Variants in SORCS3 observed in about 807,000 individuals in gnomAD.
SORCS3 encodes the protein VPS10 domain-containing receptor SorCS3.
SORCS3 carries 57 observed loss-of-function variants against 146.3 expected under a neutral mutation model. The ratio of observed to expected loss-of-function variants is 0.39; its 90% confidence interval spans 0.31 to 0.49. SORCS3 has a LOEUF of 0.49. SORCS3 is among the 20% of genes least tolerant of loss of function. The pLI is 0.92. For synonymous variants in SORCS3, 653 were observed against 618.5 expected (o/e 1.06, Z -0.83); for missense variants, 1,341 against 1,575.5 (o/e 0.85, Z 2.52).
chr10:104,758,114 A>G (rs1294055529), intron 1 of SORCS3, among the ~76,000 whole-genome samples: 1 of 152,192 alleles, frequency 6.6e-6, no homozygotes, highest in Non-Finnish European at 1.5e-5. Context: ...CCAGCAATGA[A>G]TAGGACTTGG....
At chr10:104,664,283 G>A (rs745868654) in intron 1 of SORCS3, among the ~76,000 whole-genome samples, 1 of 152,184 alleles carries the variant, frequency 6.6e-6, no homozygotes, top group Non-Finnish European at 1.5e-5. Flanking sequence ...CAGGAGCGGG[G>A]CTTAAGGTGA....
At chr10:104,814,006 C>T (rs1266364425) in intron 1 of SORCS3, among the ~76,000 whole-genome samples, 3 of 145,734 alleles carry the variant, frequency 2.1e-5, no homozygotes, top group African/African-American at 7.6e-5. Flanking sequence ...TCCCCCTATT[C>T]CAGAGTCACT....
At chr10:105,089,347 AAC>A (rs2055685387) in intron 5 of SORCS3, among the ~76,000 whole-genome samples, 1 of 152,188 alleles carries the variant, frequency 6.6e-6, no homozygotes, top group Non-Finnish European at 1.5e-5. Flanking sequence ...CATCGGGTAG[AAC>A]AGGCAGGTAA....
chr10:104,994,062 G>A (rs1220578427), intron 4 of SORCS3, among the ~76,000 whole-genome samples: 1 of 152,170 alleles, frequency 6.6e-6, no homozygotes, highest in Admixed American at 6.5e-5. Context: ...GAGAGTATCA[G>A]TACCCTACTG....
At chr10:105,176,794 G>A (rs1016778300) in intron 13 of SORCS3, among the ~76,000 whole-genome samples, 6 of 152,176 alleles carry the variant, frequency 3.9e-5, no homozygotes, top group South Asian at 2.1e-4. Flanking sequence ...GGCGGAGGTT[G>A]CAGTGAGCCG....
At chr10:104,642,019 T>A in intron 1 of SORCS3, 65 bp downstream of exon 1, 1 of 96,392 alleles carries the variant, frequency 1.0e-5, no homozygotes, top group Non-Finnish European at 2.0e-5. Flanking sequence ...GGGGGGTGGG[T>A]GGGAGCGAGG....
intron 1 of SORCS3, among the ~76,000 whole-genome samples, chr10:104,740,690 T>A (rs891916411): frequency 1.3e-5 from 2 of 152,202 alleles, no homozygotes; most frequent in African/African-American, 2.4e-5. Context: ...AGAGGTTTTA[T>A]AAAAGACACT....
chr10:105,088,226 C>T (rs1408745353), intron 5 of SORCS3, among the ~76,000 whole-genome samples: 2 of 152,144 alleles, frequency 1.3e-5, no homozygotes, highest in Admixed American at 1.3e-4. Context: ...TTTTTCTGTG[C>T]CTCAATTTCT....
At chr10:105,219,781 C>T (rs2056688120) in intron 19 of SORCS3, among the ~76,000 whole-genome samples, 1 of 152,160 alleles carries the variant, frequency 6.6e-6, no homozygotes, top group South Asian at 2.1e-4. Flanking sequence ...AAGGACTTGC[C>T]TCACCCACAT....
intron 3 of SORCS3, among the ~76,000 whole-genome samples, chr10:104,921,503 CTG>C (rs752411926): frequency 0.25 from 35,756 of 142,444 alleles, 6,852 homozygotes; most frequent in African/African-American, 0.56. Context: ...CTCTCTCTCT[CTG>C]TGTGTGTGTG....
chr10:104,891,146 G>T (rs559483182), intron 2 of SORCS3, among the ~76,000 whole-genome samples: 133 of 152,308 alleles, frequency 8.7e-4, no homozygotes, highest in Non-Finnish European at 1.7e-3. Flanking sequence ...CTACTGAGGC[G>T]GGAAGTTTTC....
chr10:105,242,468 T>TTATGTATTTA (rs2056832972), intron 20 of SORCS3, among the ~76,000 whole-genome samples: 2 of 78,952 alleles, frequency 2.5e-5, no homozygotes, highest in Non-Finnish European at 4.4e-5. Context: ...ATTTATATAT[T>TTATGTATTTA]TATATATTTA....
At chr10:104,815,739 A>T (rs1480440588) in intron 1 of SORCS3, among the ~76,000 whole-genome samples, 1 of 152,186 alleles carries the variant, frequency 6.6e-6, no homozygotes, top group Non-Finnish European at 1.5e-5. Context: ...GATGCATTTA[A>T]CTTTATAAGA....
At chr10:105,034,580 AG>A (rs199861788) in intron 4 of SORCS3, among the ~76,000 whole-genome samples, 2,228 of 152,270 alleles carry the variant, frequency 0.015, 46 homozygotes, top group African/African-American at 0.05. Context: ...ATATGGGGCA[AG>A]CCTCATCTAT....
At chr10:105,204,961 G>T (rs189241786) in intron 16 of SORCS3, among the ~76,000 whole-genome samples, 2 of 152,262 alleles carry the variant, frequency 1.3e-5, no homozygotes, top group East Asian at 1.9e-4. Flanking sequence ...AGCATATGGC[G>T]TATAGCCTTG....
intron 11 of SORCS3, among the ~76,000 whole-genome samples, chr10:105,162,014 C>A (rs971291026): frequency 3.9e-5 from 6 of 152,126 alleles, no homozygotes; most frequent in African/African-American, 1.2e-4. Context: ...CCTGCCCCTG[C>A]AGGGGCAAGT....
intron 1 of SORCS3, among the ~76,000 whole-genome samples, chr10:104,754,703 G>A (rs1268488225): frequency 1.3e-5 from 2 of 152,240 alleles, no homozygotes; most frequent in Non-Finnish European, 2.9e-5. Context: ...TTCTCATCAA[G>A]CTTGTTTGTA....
At chr10:105,206,930 A>T (rs550703897) in intron 16 of SORCS3, among the ~76,000 whole-genome samples, 11 of 152,172 alleles carry the variant, frequency 7.2e-5, no homozygotes, top group Non-Finnish European at 4.4e-5. Flanking sequence ...AGATGGGAGG[A>T]TGGAGAAATG....
At chr10:104,662,393 A>C (rs1424085995) in intron 1 of SORCS3, among the ~76,000 whole-genome samples, 4 of 152,208 alleles carry the variant, frequency 2.6e-5, no homozygotes, top group African/African-American at 4.8e-5. Context: ...TGAAGTTTCT[A>C]CTATTATGAG....
Sources: allele counts gnomAD v4.1 joint callset (sites outside exome capture counted in the v4.1 genomes callset), GRCh38; gene constraint gnomAD v4.1.1; transcripts MANE v1.5; gene names NCBI Gene and HGNC (gene_info 2026-07-23, HGNC 2026-07-21).